STAM: variants seen among roughly 807,000 people sequenced by gnomAD.
STAM encodes signal transducing adaptor molecule, also known as signal transducing adapter molecule 1.
In STAM, 16 loss-of-function variants were observed where a neutral mutation model predicts 63.4. The observed-to-expected ratio is 0.25, with a 90% CI of 0.17 to 0.38. STAM has a LOEUF of 0.38. Among genes scored for constraint, STAM ranks in the 10% least tolerant of loss-of-function variants. STAM has a pLI of 1.00. For missense variants in STAM, 636 were observed against 657.1 expected, an observed-to-expected ratio of 0.97 and a Z score of 0.35; for synonymous variants, 238 against 223.9, an observed-to-expected ratio of 1.06 and a Z score of -0.56.
chr10:17,692,415 T>A (rs1835581265), intron 5 of STAM, among the ~76,000 whole-genome samples: 1 of 152,134 alleles, frequency 6.6e-6, no homozygotes. Context: ...GGGAGAACGT[T>A]GTAAGTAGAA....
chr10:17,662,935 T>C (rs1322987787), intron 2 of STAM, among the ~76,000 whole-genome samples: 1 of 152,196 alleles, frequency 6.6e-6, no homozygotes, highest in Non-Finnish European at 1.5e-5. Context: ...AAAAGTTTTA[T>C]CTAGCATTGC....
At chr10:17,705,498 T>A (rs782112530) in intron 11 of STAM, 90 bp from the exon 12 acceptor site, 3 of 1,424,526 alleles carry the variant, frequency 2.1e-6, no homozygotes, top group Non-Finnish European at 2.8e-6. Context: ...TACTACTTTT[T>A]GCCATTTTTG....
intron 2 of STAM, among the ~76,000 whole-genome samples, chr10:17,672,626 C>T (rs1458793378): frequency 1.3e-5 from 2 of 152,308 alleles, no homozygotes; most frequent in East Asian, 3.9e-4. Context: ...TGCAAGCCAG[C>T]TTCTTCAGCT....
chr10:17,709,968 A>ATTTTTTTTTTTTTTTTT (rs1457707425), intron 13 of STAM, among the ~76,000 whole-genome samples: 1 of 148,546 alleles, frequency 6.7e-6, no homozygotes. Flanking sequence ...CTCTTGCAGG[A>ATTTTTTTTTTTTTTTTT]TTTTTTTTTA....
In STAM at chr10:17,652,865, T is replaced by C. The variant is rs79129885; in HGVS notation, c.41-7599T>C. ...TCTGGGACTCCTCAATCAGAGCACTTCCACTTGGGTTTGCTGTATATATTG... is the reference window on the plus strand; with the variant it reads ...TCTGGGACTCCTCAATCAGAGCACTCCCACTTGGGTTTGCTGTATATATTG... On this transcript the variant is annotated intron_variant, in intron 1 of 13. Coordinates refer to ENST00000377524, the MANE Select transcript of STAM (RefSeq NM_003473.4). Among the ~76,000 whole-genome samples, 679 of 152,298 alleles carry C rather than the reference T, an allele frequency of 4.5e-3. 4 individuals are homozygous for C. The highest frequency in any genetic ancestry group is 0.015 in the African/African-American group (632 of 41,562).
intron 2 of STAM, among the ~76,000 whole-genome samples, chr10:17,676,851 G>A (rs1379126613): frequency 6.6e-6 from 1 of 151,912 alleles, no homozygotes; most frequent in Admixed American, 6.6e-5. Flanking sequence ...AAAAAGTAGT[G>A]TTTTAACCAT....
At chr10:17,656,292 T>TCAA (rs1554822139) in intron 1 of STAM, among the ~76,000 whole-genome samples, 17 of 134,412 alleles carry the variant, frequency 1.3e-4, no homozygotes, top group South Asian at 9.4e-4. Flanking sequence ...AGACTCCGTC[T>TCAA]TAAAAAAAAA....
chr10:17,703,888 C>G (rs1173726281), intron 9 of STAM, among the ~76,000 whole-genome samples: 1 of 152,124 alleles, frequency 6.6e-6, no homozygotes, highest in Non-Finnish European at 1.5e-5. Context: ...TCACCATGGG[C>G]AAGTAGGAAT....
At chr10:17,667,359 T>C (rs1554823556) in intron 2 of STAM, among the ~76,000 whole-genome samples, 1 of 152,150 alleles carries the variant, frequency 6.6e-6, no homozygotes. Flanking sequence ...CCTCACCTTG[T>C]GATCTGCCCT....
intron 12 of STAM, among the ~76,000 whole-genome samples, chr10:17,706,646 TG>T (rs1196066811): frequency 6.6e-6 from 1 of 152,124 alleles, no homozygotes; most frequent in Non-Finnish European, 1.5e-5. Flanking sequence ...CCCAAAGTGC[TG>T]GGATTCCAGG....
chr10:17,666,385 G>GTTTTTTTTTTTTTTTTTTTTTT (rs1425682476), intron 2 of STAM, among the ~76,000 whole-genome samples: 1 of 102,298 alleles, frequency 9.8e-6, no homozygotes, highest in African/African-American at 3.8e-5. Flanking sequence ...CCTTGGCTTT[G>GTTTTTTTTTTTTTTTTTTTTTT]TATTTTTTTT....
At chr10:17,705,054 G>T (rs4748405) in intron 11 of STAM, 30 bp downstream of exon 11, 2 of 1,597,888 alleles carry the variant, frequency 1.3e-6, no homozygotes, top group Admixed American at 1.7e-5. Flanking sequence ...TTTATGTTGT[G>T]TACCTTCTTT....
intron 9 of STAM, among the ~76,000 whole-genome samples, chr10:17,704,143 A>G (rs577680851): frequency 6.6e-6 from 1 of 152,172 alleles, no homozygotes; most frequent in Non-Finnish European, 1.5e-5. Flanking sequence ...TCCAGACTGA[A>G]GTGCAGTGGC....
intron 8 of STAM, among the ~76,000 whole-genome samples, chr10:17,699,027 T>C (rs979590844): frequency 8.5e-5 from 13 of 152,184 alleles, no homozygotes; most frequent in African/African-American, 2.7e-4. Flanking sequence ...TTCTGTGTTA[T>C]ACAGAAGCAC....
intron 1 of STAM, 120 bp downstream of exon 1, chr10:17,644,499 C>T (rs1833442659): frequency 1.7e-6 from 2 of 1,175,710 alleles, no homozygotes; most frequent in Non-Finnish European, 2.5e-6. Context: ...CTTCCCCTTT[C>T]CTGAGGCTCC....
chr10:17,645,923 A>C (rs1833503503), intron 1 of STAM, among the ~76,000 whole-genome samples: 1 of 152,186 alleles, frequency 6.6e-6, no homozygotes, highest in African/African-American at 2.4e-5. Flanking sequence ...GGTCCTGTAT[A>C]ATTTAGCTAG....
At chr10:17,694,970 A>G (rs1554827261) in intron 6 of STAM, 79 bp from the exon 7 acceptor site, 25 of 1,352,322 alleles carry the variant, frequency 1.8e-5, no homozygotes, top group Non-Finnish European at 1.3e-5. Flanking sequence ...AATACCTTTT[A>G]TCTTGATGTC....
In STAM at chr10:17,694,988, A is replaced by G. The variant is rs1835691632; in HGVS notation, c.536-61A>G. 4 of 1,481,242 alleles carry G rather than the reference A, an allele frequency of 2.7e-6. No homozygotes were observed. In the South Asian group the frequency reaches 3.9e-5, roughly 14 times the overall value. 91.8% of individuals were successfully genotyped at this position (1,481,242 alleles called of 1,614,324 possible). On this transcript the variant is annotated intron_variant, in intron 6 of 13. Coordinates refer to ENST00000377524, the MANE Select transcript of STAM (RefSeq NM_003473.4). ...ACCTTTTATCTTGATGTCTTTTTCT[A>G]CTTCTTCAGACTGTTGGATATAATA...
intron 1 of STAM, among the ~76,000 whole-genome samples, chr10:17,654,931 G>A (rs1344353470): frequency 3.3e-5 from 5 of 152,096 alleles, no homozygotes; most frequent in African/African-American, 7.2e-5. Context: ...AAAGTAGTCT[G>A]TATTTCAGCC....
Sources: gnomAD v4.1 joint callset for allele counts (sites outside exome capture counted in the v4.1 genomes callset) on GRCh38, gnomAD v4.1.1 for gene constraint, MANE v1.5 for transcripts, NCBI Gene and HGNC (gene_info 2026-07-23, HGNC 2026-07-21) for gene names.